The following TP53AIP1 variants were observed in gnomAD, a reference collection of about 807,000 sequenced individuals.
The protein encoded by TP53AIP1 is p53-regulated apoptosis-inducing protein 1.
A neutral mutation model predicts 9.5 loss-of-function variants in TP53AIP1; 14 were observed. The observed-to-expected ratio is 1.47, with a 90% CI of 0.97 to 2.30. The LOEUF (loss-of-function observed/expected upper bound fraction) is 2.30, where lower values mean the gene tolerates loss of function less well. Among genes scored for constraint, TP53AIP1 ranks in the 30% most tolerant of loss-of-function variants. The pLI is 0.00. For synonymous variants in TP53AIP1, 73 were observed against 61.2 expected, an observed-to-expected ratio of 1.19 and a Z score of -0.90; for missense variants, 153 against 146.7, an observed-to-expected ratio of 1.04 and a Z score of -0.22.
chr11:128,934,900 C>A, downstream of TP53AIP1: 1 of 683,246 alleles, frequency 1.5e-6, no homozygotes, highest in South Asian at 1.5e-5. Flanking sequence ...TAGACTATGG[C>A]TCAGCTGCAG....
In TP53AIP1 at chr11:128,939,897, A is replaced by G. The variant is rs776544035; in HGVS notation, c.-76-2003T>C. 7.9e-5 allele frequency among the ~76,000 whole-genome samples: 12 copies of G among 152,192 alleles called. No individual in the cohort carries two copies. Among genetic ancestry groups the G allele is most frequent in the Non-Finnish European group, 1.3e-4 (9 of 68,042 alleles). On this transcript the variant is annotated intron_variant, in intron 1 of 3. Transcript: ENST00000531399. This position sits in a 1 kb window ranked among gnomAD's most constrained non-coding sequence, Gnocchi z 4.1. ...TTCCTGTTTGAAAAGTGAAGCGTTA[A>G]CACGAAGGAGGGTCCCAGCGGAGTT...
At chr11:128,940,027 C>G (rs1030238381) in intron 1 of TP53AIP1, among the ~76,000 whole-genome samples, 2 of 152,110 alleles carry the variant, frequency 1.3e-5, no homozygotes, top group Non-Finnish European at 2.9e-5. Flanking sequence ...TGCACCCAGC[C>G]CCCCCTTGCT....
chr11:128,937,919 G>A lies in TP53AIP1; in HGVS notation c.-76-25C>T, dbSNP rs545585080. 18 of 1,284,468 alleles carry A rather than the reference G, an allele frequency of 1.4e-5. No homozygotes were observed. In the South Asian group the frequency reaches 2.3e-4, roughly 16 times the overall value. 79.6% of individuals were successfully genotyped at this position (1,284,468 alleles called of 1,614,324 possible). On this transcript the variant is annotated intron_variant, in intron 1 of 3. Coordinates refer to ENST00000531399, the MANE Select transcript of TP53AIP1 (RefSeq NM_022112.3). The surrounding 1 kb of genome is among the most constrained non-coding windows in gnomAD (Gnocchi z 4.8). ...ACTAAAAACAAACAAAACAGGCTAT[G>A]AACAGAAGCAGTGGTGGCAGCGCTG...
At position 128,937,488 on chromosome 11, in the gene TP53AIP1, G is replaced by A. The variant is rs776683365; in HGVS notation, c.141+190C>T. 12 of 1,575,562 alleles carry A rather than the reference G, an allele frequency of 7.6e-6. No individual in the cohort carries two copies. Among genetic ancestry groups the A allele is most frequent in the Non-Finnish European group, 8.6e-6 (10 of 1,157,026 alleles). ...CTTCCTCTTGGGACTATTGATCAGGGCTGTCAGTTCCCAGCTCTGTCCAAT... is the reference window on the plus strand; with the variant it reads ...CTTCCTCTTGGGACTATTGATCAGGACTGTCAGTTCCCAGCTCTGTCCAAT... On this transcript the variant is annotated intron_variant, in intron 2 of 3. Coordinates refer to ENST00000531399, the MANE Select transcript of TP53AIP1 (RefSeq NM_022112.3). This position sits in a 1 kb window ranked among gnomAD's most constrained non-coding sequence, Gnocchi z 4.8.
intron 1 of TP53AIP1, among the ~76,000 whole-genome samples, chr11:128,942,076 G>A (rs1001263583): frequency 5.3e-5 from 8 of 152,108 alleles, no homozygotes; most frequent in Non-Finnish European, 5.9e-5. Flanking sequence ...CCTGGCACAC[G>A]GTAAGCTCTC....
At position 128,939,045 on chromosome 11, in the gene TP53AIP1, C is replaced by T. The variant is rs776741399; in HGVS notation, c.-76-1151G>A. 5.3e-5 allele frequency among the ~76,000 whole-genome samples: 8 copies of T among 152,182 alleles called. No individual in the cohort carries two copies. The highest frequency in any genetic ancestry group is 9.7e-5 in the African/African-American group (4 of 41,440). On this transcript the variant is annotated intron_variant, in intron 1 of 3. Coordinates refer to ENST00000531399, the MANE Select transcript of TP53AIP1 (RefSeq NM_022112.3). The surrounding 1 kb of genome is among the most constrained non-coding windows in gnomAD (Gnocchi z 4.1). Reference sequence around the variant, plus strand: ...TAAGTACTGTGCGTGTACCATTTCTCGGAATACTTCCTGCAACCTTATGAA... The same window carrying T: ...TAAGTACTGTGCGTGTACCATTTCTTGGAATACTTCCTGCAACCTTATGAA...
At chr11:128,936,469 A>G in intron 3 of TP53AIP1, 69 bp downstream of exon 3, 1 of 1,472,860 alleles carries the variant, frequency 6.8e-7, no homozygotes, top group East Asian at 2.5e-5. Flanking sequence ...GGATTTATCG[A>G]GAGGACATCA....
At chr11:128,936,320 T>C (rs1944822601) in intron 3 of TP53AIP1, 4 of 1,347,234 alleles carry the variant, frequency 3.0e-6, no homozygotes, top group Non-Finnish European at 3.8e-6. Flanking sequence ...CACTCTTAAG[T>C]GTACCGTTAC....
Position 128,935,483 on chromosome 11 carries a change from G to C in TP53AIP1, c.*108C>G, listed in dbSNP as rs979813205. 2 of 1,473,914 alleles carry C rather than the reference G, an allele frequency of 1.4e-6. No individual in the cohort carries two copies. The highest frequency in any genetic ancestry group is 1.8e-6 in the Non-Finnish European group (2 of 1,117,292). The allele number at this position is 1,473,914 out of a possible 1,614,324, so 91.3% of individuals were successfully genotyped here. A position where few individuals can be genotyped will look rare whatever the true frequency, so the allele number is the denominator to read the frequency against. ...GGGGAAATGAGGTGGCCGCTAGTCA[G>C]CGCTGGAGCCATTTCTCGACGGTGC... On this transcript the variant is annotated 3_prime_UTR_variant, in exon 4 of 4. Transcript: ENST00000531399.
At chr11:128,936,879 A>G (rs1944835101) in intron 2 of TP53AIP1, 3 of 1,341,178 alleles carry the variant, frequency 2.2e-6, no homozygotes, top group Non-Finnish European at 2.9e-6. Context: ...AGACAGAGAC[A>G]GCAAATCAGC....
intron 3 of TP53AIP1, chr11:128,935,971 G>A (rs1056795085): frequency 1.8e-5 from 20 of 1,116,780 alleles, no homozygotes; most frequent in Non-Finnish European, 1.7e-5. Flanking sequence ...AGTAAGATAT[G>A]TAGGACATAC....
At position 128,939,217 on chromosome 11, in the gene TP53AIP1, A is replaced by G. The variant is rs945939090; in HGVS notation, c.-76-1323T>C. ...TTCTTTCCCTGCGGCTCCCTTCCCC[A>G]TCTGGTTCTGGGGAAGACACTCTGC... On this transcript the variant is annotated intron_variant, in intron 1 of 3. Coordinates refer to ENST00000531399, the MANE Select transcript of TP53AIP1 (RefSeq NM_022112.3). This position sits in a 1 kb window ranked among gnomAD's most constrained non-coding sequence, Gnocchi z 4.1. Among the ~76,000 whole-genome samples the G allele has an allele frequency of 2.0e-5, 3 of 152,018 alleles. No homozygotes were observed. Among genetic ancestry groups the G allele is most frequent in the East Asian group, 1.9e-4 (1 of 5,192 alleles).
chr11:128,941,126 G>T (rs1944932974), intron 1 of TP53AIP1, among the ~76,000 whole-genome samples: 1 of 152,194 alleles, frequency 6.6e-6, no homozygotes, highest in South Asian at 2.1e-4. Context: ...GCCCAAGGGG[G>T]CCGTGTTCTC....
chr11:128,937,251 G>A lies in TP53AIP1; in HGVS notation c.141+427C>T, dbSNP rs930866933. 4 of 1,275,652 alleles carry A rather than the reference G, an allele frequency of 3.1e-6. No individual in the cohort carries two copies. Among genetic ancestry groups the A allele is most frequent in the Admixed American group, 3.7e-5 (1 of 26,674 alleles). 79.0% of individuals were successfully genotyped at this position (1,275,652 alleles called of 1,614,324 possible). ...TCCGAGGCCCATCTGGACAAAAGCAGGATCCGGGGTGGACGCAGAAGAGCA... is the reference window on the plus strand; with the variant it reads ...TCCGAGGCCCATCTGGACAAAAGCAAGATCCGGGGTGGACGCAGAAGAGCA... On this transcript the variant is annotated intron_variant, in intron 2 of 3. Transcript: ENST00000531399. The surrounding 1 kb of genome is among the most constrained non-coding windows in gnomAD (Gnocchi z 4.8).
At position 128,937,377 on chromosome 11, in the gene TP53AIP1, C is replaced by T. The variant is rs974965581; in HGVS notation, c.141+301G>A. ...CTCTCACTTTCTGGATGCAGCCAGG[C>T]ACCACCTTCCTTCCAAAAGCCTTGT... On this transcript the variant is annotated intron_variant, in intron 2 of 3. Transcript: ENST00000531399. The surrounding 1 kb of genome is among the most constrained non-coding windows in gnomAD (Gnocchi z 4.8). 8 of 1,426,298 alleles carry T rather than the reference C, an allele frequency of 5.6e-6. No individual in the cohort carries two copies. In the African/African-American group the frequency reaches 1.0e-4, roughly 18 times the overall value. 88.4% of individuals were successfully genotyped at this position (1,426,298 alleles called of 1,614,324 possible).
At chr11:128,942,530 G>A (rs1944968099) in intron 1 of TP53AIP1, among the ~76,000 whole-genome samples, 1 of 152,192 alleles carries the variant, frequency 6.6e-6, no homozygotes, top group South Asian at 2.1e-4. Flanking sequence ...GCCCCAACCT[G>A]CATCGACCAA....
rs142686435 is a variant in TP53AIP1, at chr11:128,938,845, C to A, written c.-76-951G>T. Reference sequence around the variant, plus strand: ...CTGAGAAAAAAGAATACCCTGAAAGCCACACAGGTCTCAGGGCAGCAGGGA... The same window carrying A: ...CTGAGAAAAAAGAATACCCTGAAAGACACACAGGTCTCAGGGCAGCAGGGA... On this transcript the variant is annotated intron_variant, in intron 1 of 3. Coordinates refer to ENST00000531399, the MANE Select transcript of TP53AIP1 (RefSeq NM_022112.3). Among the ~76,000 whole-genome samples, 981 of 152,276 alleles carry A rather than the reference C, an allele frequency of 6.4e-3. 16 individuals carry two copies. Among genetic ancestry groups the A allele is most frequent in the African/African-American group, 0.022 (934 of 41,558 alleles).
At chr11:128,941,224 T>C (rs1944935745) in intron 1 of TP53AIP1, among the ~76,000 whole-genome samples, 1 of 152,286 alleles carries the variant, frequency 6.6e-6, no homozygotes, top group Non-Finnish European at 1.5e-5. Context: ...AGCCCACCAC[T>C]GTCTTCTTGC....
rs145522015 is a variant in TP53AIP1 at position 128,937,748 on chromosome 11, A to T, written c.71T>A (p.Leu24Gln). 6.2e-7 allele frequency: 1 copy of T among 1,613,798 alleles called. No homozygotes were observed. Among genetic ancestry groups the T allele is most frequent in the African/African-American group, 1.3e-5 (1 of 74,914 alleles). The change falls in exon 2 of 4, where the codon CTG becomes CAG. Residue 24 changes from leucine to glutamine, a missense_variant. Physicochemically the swap from Leu to Gln is moderately radical, Grantham distance 113 (BLOSUM62 -2). Transcript: ENST00000531399. The surrounding 1 kb of genome is among the most constrained non-coding windows in gnomAD (Gnocchi z 4.8). ...CGAGAGGTTCTGGTCTCCCCTGCCCAGGCCCTGCCTCCTGGCCCCACTGCA... is the reference window on the plus strand; with the variant it reads ...CGAGAGGTTCTGGTCTCCCCTGCCCTGGCCCTGCCTCCTGGCCCCACTGCA... The part of the protein sequence containing the change: ...ASCSGARRQG[L>Q]GRGDQNLSVM...
Sources: gnomAD v4.1 joint callset for allele counts (sites outside exome capture counted in the v4.1 genomes callset) on GRCh38, gnomAD v4.1.1 for gene constraint, Gnocchi (gnomAD v3.1) non-coding constraint, MANE v1.5 for transcripts, NCBI Gene and HGNC (gene_info 2026-07-23, HGNC 2026-07-21) for gene names.